Variants in ATP6V0A4 observed in about 807,000 individuals in gnomAD.
ATP6V0A4 encodes the protein V-type proton ATPase 116 kDa subunit a 4.
In ATP6V0A4, 86 loss-of-function variants were observed where a neutral mutation model predicts 107.3. The observed-to-expected ratio is 0.80, with a 90% CI of 0.67 to 0.96. The LOEUF is 0.96. Ranked by LOEUF, ATP6V0A4 falls within the 40% of genes least tolerant of loss-of-function variation. ATP6V0A4 has a pLI of 0.00. For synonymous variants in ATP6V0A4, 353 were observed against 381.4 expected (o/e 0.93, Z 0.87); for missense variants, 908 against 1,045.6 (o/e 0.87, Z 1.81).
intron 2 of ATP6V0A4, among the ~76,000 whole-genome samples, chr7:138,779,347 T>TAA (rs145705120): frequency 6.8e-6 from 1 of 147,102 alleles, no homozygotes; most frequent in Non-Finnish European, 1.5e-5. Context: ...GACCCTATCT[T>TAA]AAAAAAAAAT....
At chr7:138,784,239 TATATATATATATAC>T (rs1320407494) in intron 2 of ATP6V0A4, among the ~76,000 whole-genome samples, 18 of 9,618 alleles carry the variant, frequency 1.9e-3, no homozygotes, top group South Asian at 8.1e-3. Flanking sequence ...TATATACGTA[TATATATATATATAC>T]ATATATATAT....
At chr7:138,750,394 C>G (rs1806161649) in intron 11 of ATP6V0A4, among the ~76,000 whole-genome samples, 1 of 151,948 alleles carries the variant, frequency 6.6e-6, no homozygotes, top group South Asian at 2.1e-4. Flanking sequence ...GGGACTACAG[C>G]CATACAGTGC....
At chr7:138,738,937 T>C (rs923042252) in intron 15 of ATP6V0A4, among the ~76,000 whole-genome samples, 1 of 152,148 alleles carries the variant, frequency 6.6e-6, no homozygotes, top group Non-Finnish European at 1.5e-5. Flanking sequence ...ACTGGGCCAA[T>C]AGAAATGAAC....
chr7:138,736,203 A>G (rs1024961614), intron 15 of ATP6V0A4, among the ~76,000 whole-genome samples: 2 of 152,192 alleles, frequency 1.3e-5, no homozygotes, highest in African/African-American at 4.8e-5. Flanking sequence ...TGATCATGCC[A>G]CTACATTACA....
At position 138,707,549 on chromosome 7, in the gene ATP6V0A4, C is replaced by A. The variant is rs765336998; in HGVS notation, c.2430-832G>T. On this transcript the variant is annotated intron_variant, in intron 21 of 21. Coordinates refer to ENST00000310018, the MANE Select transcript of ATP6V0A4 (RefSeq NM_020632.3). The stretch of plus-strand genomic sequence containing the variant: ...TCCGAGTAGCTGGGATTACAGATGC[C>A]CACCACCATGCCCAGCTAATTTTTG... Among the ~76,000 whole-genome samples the A allele has an allele frequency of 1.1e-3, 157 of 148,450 alleles. 1 individual carries two copies. Among genetic ancestry groups the A allele is most frequent in the Non-Finnish European group, 3.7e-4 (25 of 67,514 alleles).
chr7:138,737,419 A>G (rs1345407382), intron 15 of ATP6V0A4, among the ~76,000 whole-genome samples: 3 of 151,298 alleles, frequency 2.0e-5, no homozygotes, highest in African/African-American at 7.3e-5. Flanking sequence ...TGGCCTCCCC[A>G]CACAATCTTT....
intron 20 of ATP6V0A4, 80 bp downstream of exon 20, chr7:138,715,684 C>T: frequency 6.5e-7 from 1 of 1,546,972 alleles, no homozygotes; most frequent in Admixed American, 1.7e-5. Flanking sequence ...GAGAAGTCAC[C>T]TTTACTTCCA....
In ATP6V0A4 at chr7:138,771,323, A is replaced by G. The variant is rs1186817556; in HGVS notation, c.-17-59T>C. On this transcript the variant is annotated intron_variant, in intron 2 of 21. Coordinates refer to ENST00000310018, the MANE Select transcript of ATP6V0A4 (RefSeq NM_020632.3). The stretch of plus-strand genomic sequence containing the variant: ...AAGGTAATAAATGTGTGAAAACCTT[A>G]GGGTGAAATTTTTAAGTTAAATTAA... The G allele has an allele frequency of 3.2e-6, 5 of 1,568,234 alleles. No individual in the cohort carries two copies. In the East Asian group the frequency reaches 9.1e-5, roughly 28 times the overall value.
intron 10 of ATP6V0A4, among the ~76,000 whole-genome samples, chr7:138,753,146 G>A (rs1281205920): frequency 6.6e-6 from 1 of 152,178 alleles, no homozygotes. Flanking sequence ...TTTGGAAAGA[G>A]GGTCTTTGCA....
At chr7:138,760,794 T>TA (rs1165757093) in intron 7 of ATP6V0A4, among the ~76,000 whole-genome samples, 3 of 152,132 alleles carry the variant, frequency 2.0e-5, no homozygotes, top group African/African-American at 7.2e-5. Context: ...ATTTATTGAA[T>TA]AAAAAATCAT....
intron 8 of ATP6V0A4, among the ~76,000 whole-genome samples, chr7:138,759,334 C>T (rs1431506586): frequency 1.3e-5 from 2 of 152,066 alleles, no homozygotes; most frequent in African/African-American, 2.4e-5. Flanking sequence ...AGATTACAGG[C>T]ATAAGCCACC....
intron 6 of ATP6V0A4, 114 bp downstream of exon 6, chr7:138,762,786 G>C: frequency 7.9e-7 from 1 of 1,268,130 alleles, no homozygotes; most frequent in South Asian, 1.2e-5. Flanking sequence ...CAATGGCCTA[G>C]CCATGGAACA....
intron 2 of ATP6V0A4, among the ~76,000 whole-genome samples, chr7:138,778,859 C>A (rs548335644): frequency 1.8e-4 from 28 of 152,194 alleles, no homozygotes; most frequent in African/African-American, 6.7e-4. Context: ...GAACTTTTAC[C>A]CCCATCCATT....
intron 6 of ATP6V0A4, among the ~76,000 whole-genome samples, chr7:138,762,689 A>G (rs1385596490): frequency 6.6e-6 from 1 of 152,138 alleles, no homozygotes; most frequent in African/African-American, 2.4e-5. Context: ...TTTTCAGCAC[A>G]TACATTTTAC....
chr7:138,750,465 C>T (rs1192393013), intron 11 of ATP6V0A4, among the ~76,000 whole-genome samples: 2 of 152,106 alleles, frequency 1.3e-5, no homozygotes, highest in African/African-American at 4.8e-5. Flanking sequence ...CTCAGCCTCC[C>T]AAAGTGCTGG....
At position 138,734,180 on chromosome 7, in the gene ATP6V0A4, A is replaced by T; in HGVS notation, c.1647T>A (p.Ile549=). ...YKMKMSVILG[I]VQMVFGVILS... is the part of the protein sequence containing the mutation. Reference sequence around the variant, plus strand: ...GGATGACACCGAAAACCATCTGGACAATTCCCAGGATCACCGACATCTTCA... The same window carrying T: ...GGATGACACCGAAAACCATCTGGACTATTCCCAGGATCACCGACATCTTCA... Residue 549 remains isoleucine, a synonymous_variant, in exon 16 of 22, where the codon ATT becomes ATA. Transcript: ENST00000310018. 6.2e-7 allele frequency: 1 copy of T among 1,613,804 alleles called. No homozygotes were observed. Among genetic ancestry groups the T allele is most frequent in the East Asian group, 2.2e-5 (1 of 44,860 alleles).
At chr7:138,754,738 T>C (rs1806423397) in intron 10 of ATP6V0A4, among the ~76,000 whole-genome samples, 1 of 152,048 alleles carries the variant, frequency 6.6e-6, no homozygotes, top group Non-Finnish European at 1.5e-5. Flanking sequence ...TTCTCCTGCC[T>C]CAGCCTCCCG....
At chr7:138,797,358 C>T (rs1378459090) in intron 1 of ATP6V0A4, among the ~76,000 whole-genome samples, 1 of 151,972 alleles carries the variant, frequency 6.6e-6, no homozygotes, top group African/African-American at 2.4e-5. Context: ...GCTGGGACTA[C>T]AGGCATGCAC....
In ATP6V0A4 at chr7:138,737,425, T is replaced by C. The variant is rs1002057904; in HGVS notation, c.1572+2115A>G. The stretch of plus-strand genomic sequence containing the variant: ...ATCATTGTGTGGCCTCCCCACACAA[T>C]CTTTTTCTTTATAAATTACCCAGTC... On this transcript the variant is annotated intron_variant, in intron 15 of 21. Coordinates refer to ENST00000310018, the MANE Select transcript of ATP6V0A4 (RefSeq NM_020632.3). 2.6e-5 allele frequency among the ~76,000 whole-genome samples: 4 copies of C among 151,740 alleles called. 1 individual carries two copies. The highest frequency in any genetic ancestry group is 9.7e-5 in the African/African-American group (4 of 41,408).
Sources: allele counts gnomAD v4.1 joint callset (sites outside exome capture counted in the v4.1 genomes callset), GRCh38; gene constraint gnomAD v4.1.1; transcripts MANE v1.5; gene names NCBI Gene and HGNC (gene_info 2026-07-23, HGNC 2026-07-21).